The following LRRTM3 variants were observed in gnomAD, a reference collection of about 807,000 sequenced individuals.
LRRTM3 encodes leucine-rich repeat transmembrane neuronal protein 3.
Under a neutral mutation model 44.7 loss-of-function variants are expected in LRRTM3, and 24 were observed. The observed-to-expected ratio is 0.54, with a 90% CI of 0.39 to 0.76. The LOEUF (loss-of-function observed/expected upper bound fraction) is 0.76. LRRTM3 is among the 30% of genes least tolerant of loss of function. LRRTM3 has a pLI of 0.00. For missense variants in LRRTM3, 587 were observed against 702.2 expected (o/e 0.84, Z 1.85); for synonymous variants, 277 against 278.7 (o/e 0.99, Z 0.06).
At chr10:67,074,180 G>A (rs997602287) in intron 2 of LRRTM3, among the ~76,000 whole-genome samples, 2 of 150,270 alleles carry the variant, frequency 1.3e-5, no homozygotes, top group African/African-American at 2.4e-5. Flanking sequence ...CTATAGGCAC[G>A]TGCCACCATG....
chr10:66,949,413 C>A (rs1297846465), intron 2 of LRRTM3, among the ~76,000 whole-genome samples: 1 of 152,028 alleles, frequency 6.6e-6, no homozygotes, highest in Non-Finnish European at 1.5e-5. Flanking sequence ...ACAAAATTAG[C>A]CTGGCGTGTT....
intron 2 of LRRTM3, among the ~76,000 whole-genome samples, chr10:67,062,147 A>G (rs1855792637): frequency 6.6e-6 from 1 of 151,906 alleles, no homozygotes. Context: ...AGTTTGAGGC[A>G]GGTGGATGAT....
intron 2 of LRRTM3, among the ~76,000 whole-genome samples, chr10:66,951,341 C>T (rs1476602951): frequency 1.3e-5 from 2 of 152,130 alleles, no homozygotes; most frequent in African/African-American, 2.4e-5. Flanking sequence ...GTCTCAAACT[C>T]CTGACCTCAG....
chr10:66,980,859 C>T (rs1221204379), intron 2 of LRRTM3, among the ~76,000 whole-genome samples: 1 of 152,120 alleles, frequency 6.6e-6, no homozygotes, highest in Non-Finnish European at 1.5e-5. Flanking sequence ...ACTTTCTTCT[C>T]ACACATTGAT....
At chr10:67,029,688 T>G (rs1853602311) in intron 2 of LRRTM3, among the ~76,000 whole-genome samples, 1 of 152,216 alleles carries the variant, frequency 6.6e-6, no homozygotes, top group Admixed American at 6.5e-5. Context: ...AGTGTGGCTC[T>G]ACTAAAGCGT....
intron 2 of LRRTM3, among the ~76,000 whole-genome samples, chr10:66,991,756 T>C (rs964909443): frequency 3.9e-5 from 6 of 152,232 alleles, no homozygotes; most frequent in African/African-American, 1.2e-4. Context: ...AACTCTGTGC[T>C]GTTTAAACTT....
chr10:66,950,142 T>C (rs552221664), intron 2 of LRRTM3, among the ~76,000 whole-genome samples: 1 of 152,324 alleles, frequency 6.6e-6, no homozygotes, highest in South Asian at 2.1e-4. Flanking sequence ...GCCTGGAACA[T>C]TGCTTTTTGA....
In LRRTM3 at chr10:67,079,085, T is replaced by C. The variant is rs1374979290; in HGVS notation, c.1537-18502T>C. Among the ~76,000 whole-genome samples the C allele has an allele frequency of 2.0e-5, 3 of 152,178 alleles. 1 individual carries two copies. Among genetic ancestry groups the C allele is most frequent in the South Asian group, 4.1e-4 (2 of 4,834 alleles). On this transcript the variant is annotated intron_variant, in intron 2 of 2. Coordinates refer to ENST00000361320, the MANE Select transcript of LRRTM3 (RefSeq NM_178011.5). Reference sequence around the variant, plus strand: ...TTCAAGCCACCAATAATTCATAATATCTGGGAGGACCAGGAATAATCCATA... The same window carrying C: ...TTCAAGCCACCAATAATTCATAATACCTGGGAGGACCAGGAATAATCCATA...
At chr10:67,001,059 T>C (rs1851654799) in intron 2 of LRRTM3, among the ~76,000 whole-genome samples, 1 of 151,894 alleles carries the variant, frequency 6.6e-6, no homozygotes, top group Non-Finnish European at 1.5e-5. Flanking sequence ...TCCCAGCACT[T>C]TGGGAGGCCG....
At chr10:66,981,898 A>C (rs1170674545) in intron 2 of LRRTM3, among the ~76,000 whole-genome samples, 4 of 152,186 alleles carry the variant, frequency 2.6e-5, no homozygotes, top group Non-Finnish European at 5.9e-5. Context: ...AAGTTGCATC[A>C]AAAGAACAAA....
At chr10:67,054,339 C>A (rs923456059) in intron 2 of LRRTM3, among the ~76,000 whole-genome samples, 15 of 152,108 alleles carry the variant, frequency 9.9e-5, no homozygotes, top group Non-Finnish European at 4.4e-5. Flanking sequence ...AGAGATGTGA[C>A]CTATAGGTTC....
At chr10:66,962,583 T>C (rs1256857769) in intron 2 of LRRTM3, among the ~76,000 whole-genome samples, 1 of 151,952 alleles carries the variant, frequency 6.6e-6, no homozygotes, top group African/African-American at 2.4e-5. Context: ...ATAATTTTTT[T>C]TCTATTTTTA....
intron 2 of LRRTM3, among the ~76,000 whole-genome samples, chr10:66,943,427 T>TATC (rs1196107945): frequency 6.6e-6 from 1 of 152,056 alleles, no homozygotes; most frequent in African/African-American, 2.4e-5. Flanking sequence ...TTTTATGGTA[T>TATC]ATCTTCAAGA....
Position 66,927,914 on chromosome 10 carries a change from T to C in LRRTM3, c.998T>C (p.Leu333Pro), listed in dbSNP as rs1847161924. Residue 333 changes from leucine (L) to proline (P), a missense_variant, in exon 2 of 3, where the codon CTA becomes CCA. Transcript: ENST00000361320. The surrounding 1 kb of genome is among the most constrained non-coding windows in gnomAD (Gnocchi z 4.7). ...AACTGGCTGAAAAGTTTTAAAGGTC[T>C]AAGGGAGAATACAATTATCTGTGCC... ...LVNWLKSFKG[L>P]RENTIICASP... 2 of 1,614,238 alleles carry C rather than the reference T, an allele frequency of 1.2e-6. No homozygotes were observed. The highest frequency in any genetic ancestry group is 1.7e-6 in the Non-Finnish European group (2 of 1,180,046).
rs142281733 is a variant in LRRTM3 at position 67,005,258 on chromosome 10, C to G, written c.1536+76806C>G. ...AGAAAATGATGACCTTTAATTAAAA[C>G]TCTGCCCCTTACTAATTTTCACATC... On this transcript the variant is annotated intron_variant, in intron 2 of 2. Transcript: ENST00000361320. 3.7e-3 allele frequency among the ~76,000 whole-genome samples: 557 copies of G among 152,240 alleles called. 3 individuals carry two copies. Among genetic ancestry groups the G allele is most frequent in the African/African-American group, 0.013 (535 of 41,560 alleles).
At chr10:66,980,929 A>G (rs1035038356) in intron 2 of LRRTM3, among the ~76,000 whole-genome samples, 9 of 145,378 alleles carry the variant, frequency 6.2e-5, no homozygotes, top group Non-Finnish European at 1.1e-4. Flanking sequence ...TTTTTGAGAC[A>G]GAGTTTCACT....
At chr10:66,978,234 T>A (rs1460144850) in intron 2 of LRRTM3, among the ~76,000 whole-genome samples, 2 of 151,832 alleles carry the variant, frequency 1.3e-5, no homozygotes, top group Admixed American at 1.3e-4. Flanking sequence ...GTTAACAATA[T>A]TGTATTGTGG....
At chr10:66,987,093 T>G (rs1198486011) in intron 2 of LRRTM3, among the ~76,000 whole-genome samples, 1 of 152,146 alleles carries the variant, frequency 6.6e-6, no homozygotes, top group Non-Finnish European at 1.5e-5. Context: ...GTGAAGTCCT[T>G]TTAGCATTTT....
intron 2 of LRRTM3, among the ~76,000 whole-genome samples, chr10:66,958,527 C>T (rs1305863357): frequency 6.6e-6 from 1 of 151,994 alleles, no homozygotes; most frequent in Non-Finnish European, 1.5e-5. Context: ...AAATGTGCAG[C>T]TGGGTTCAGA....
Sources: gnomAD v4.1 joint callset for allele counts (sites outside exome capture counted in the v4.1 genomes callset) on GRCh38, gnomAD v4.1.1 for gene constraint, Gnocchi (gnomAD v3.1) non-coding constraint, MANE v1.5 for transcripts, NCBI Gene and HGNC (gene_info 2026-07-23, HGNC 2026-07-21) for gene names.